Variants in RIMS1 observed in about 807,000 individuals in gnomAD.
RIMS1 encodes the protein regulating synaptic membrane exocytosis 1.
RIMS1 carries 83 observed loss-of-function variants against 214.1 expected under a neutral mutation model. The ratio of observed to expected loss-of-function variants is 0.39; its 90% confidence interval spans 0.32 to 0.47. RIMS1 has a LOEUF of 0.47. Ranked by LOEUF, RIMS1 falls within the 20% of genes least tolerant of loss-of-function variation. RIMS1 has a pLI of 0.99. For synonymous variants in RIMS1, 793 were observed against 786.8 expected (o/e 1.01, Z -0.13); for missense variants, 2,050 against 2,161.8 (o/e 0.95, Z 1.03).
At chr6:72,219,094 A>C (rs913971619) in intron 6 of RIMS1, among the ~76,000 whole-genome samples, 2 of 152,198 alleles carry the variant, frequency 1.3e-5, no homozygotes, top group Non-Finnish European at 2.9e-5. Flanking sequence ...ATGAACAGCA[A>C]ATATATATTC....
At chr6:72,312,800 A>G (rs1021405418) in intron 27 of RIMS1, among the ~76,000 whole-genome samples, 1 of 152,206 alleles carries the variant, frequency 6.6e-6, no homozygotes, top group Non-Finnish European at 1.5e-5. Context: ...TAGAGACACT[A>G]TAATGTCTTA....
chr6:71,921,787 AC>A (rs941772966), intron 1 of RIMS1, among the ~76,000 whole-genome samples: 1 of 152,092 alleles, frequency 6.6e-6, no homozygotes, highest in Non-Finnish European at 1.5e-5. Flanking sequence ...CCATAAAGAA[AC>A]CTATTTTTGT....
chr6:72,200,567 C>T (rs1287978285), intron 6 of RIMS1, among the ~76,000 whole-genome samples: 2 of 152,168 alleles, frequency 1.3e-5, no homozygotes, highest in East Asian at 1.9e-4. Flanking sequence ...AGCACTAATG[C>T]TCAACAGTTT....
intron 26 of RIMS1, among the ~76,000 whole-genome samples, chr6:72,300,184 A>G (rs1273500556): frequency 1.3e-5 from 2 of 151,796 alleles, no homozygotes; most frequent in Admixed American, 6.6e-5. Flanking sequence ...TTCAGAAGTA[A>G]TGCTTTTGAC....
At chr6:72,049,716 A>T (rs76170433) in intron 2 of RIMS1, among the ~76,000 whole-genome samples, 1,727 of 152,346 alleles carry the variant, frequency 0.011, 9 homozygotes, top group Non-Finnish European at 0.017. Context: ...AAAAATATTA[A>T]GGATAATGTT....
chr6:71,945,154 C>T (rs13437473), intron 1 of RIMS1, among the ~76,000 whole-genome samples: 18,848 of 152,042 alleles, frequency 0.12, 1,481 homozygotes, highest in East Asian at 0.3. Context: ...GCAGCACTTA[C>T]GACAAGCAGC....
chr6:72,307,413 T>A lies in RIMS1; in HGVS notation c.3963+43T>A, dbSNP rs1292467347. The A allele has an allele frequency of 2.5e-6, 3 of 1,202,690 alleles. No homozygotes were observed. The African/African-American group carries it at 4.5e-5, about 18-fold the overall frequency. 74.5% of individuals were successfully genotyped at this position (1,202,690 alleles called of 1,614,324 possible). ...CAACAAATAGTTTCCCTTTTAAAAA[T>A]GTGTAGTGTGTGTACCAGGCAGGAT... On this transcript the variant is annotated intron_variant, in intron 27 of 33. Coordinates refer to ENST00000521978, the MANE Select transcript of RIMS1 (RefSeq NM_014989.7).
chr6:72,393,184 A>G (rs1025752494), intron 31 of RIMS1, among the ~76,000 whole-genome samples: 5 of 152,142 alleles, frequency 3.3e-5, no homozygotes, highest in African/African-American at 1.2e-4. Context: ...ACAACTTACC[A>G]AAAAAGTTAG....
chr6:72,260,392 G>T (rs563399738), intron 18 of RIMS1, among the ~76,000 whole-genome samples: 2 of 152,052 alleles, frequency 1.3e-5, no homozygotes, highest in African/African-American at 4.8e-5. Context: ...ATACTCAGTT[G>T]TCTATAATTG....
intron 2 of RIMS1, among the ~76,000 whole-genome samples, chr6:72,038,101 AAAAAAAAAAAAAAAAAAATAT>A (rs1261874978): frequency 7.1e-5 from 5 of 70,676 alleles, no homozygotes; most frequent in African/African-American, 2.6e-4. Flanking sequence ...AAAAAAAAAA[AAAAAAAAAAAAAAAAAAATAT>A]ATATATATAT....
chr6:72,167,449 G>A (rs1393343953), intron 4 of RIMS1, among the ~76,000 whole-genome samples: 1 of 152,062 alleles, frequency 6.6e-6, no homozygotes, highest in Non-Finnish European at 1.5e-5. Flanking sequence ...CTGATAAAGT[G>A]AGTTCAGAAG....
chr6:71,946,208 G>T (rs1787766123), intron 1 of RIMS1, among the ~76,000 whole-genome samples: 1 of 152,116 alleles, frequency 6.6e-6, no homozygotes, highest in Non-Finnish European at 1.5e-5. Flanking sequence ...TCATGGGTTG[G>T]AATGATTTAC....
At chr6:71,948,161 T>C (rs1053322358) in intron 1 of RIMS1, among the ~76,000 whole-genome samples, 5 of 152,176 alleles carry the variant, frequency 3.3e-5, no homozygotes, top group African/African-American at 1.2e-4. Context: ...AATATTCATT[T>C]AGTTCATTTC....
intron 6 of RIMS1, among the ~76,000 whole-genome samples, chr6:72,191,409 C>T (rs540589298): frequency 6.6e-6 from 1 of 152,344 alleles, no homozygotes; most frequent in African/African-American, 2.4e-5. Flanking sequence ...ATTTCCTATC[C>T]TCTGGCATAC....
At chr6:72,262,061 A>G in intron 19 of RIMS1, 1 of 984,946 alleles carries the variant, frequency 1.0e-6, no homozygotes, top group Non-Finnish European at 1.2e-6. Flanking sequence ...AAACATGCAC[A>G]CAAAACAAAC....
At chr6:72,218,662 T>A (rs1469272033) in intron 6 of RIMS1, among the ~76,000 whole-genome samples, 1 of 152,204 alleles carries the variant, frequency 6.6e-6, no homozygotes, top group African/African-American at 2.4e-5. Flanking sequence ...TTGATGTTTA[T>A]ACTTGCTGTT....
chr6:72,291,095 G>A (rs143534630), intron 25 of RIMS1, among the ~76,000 whole-genome samples: 6 of 152,016 alleles, frequency 3.9e-5, no homozygotes, highest in Admixed American at 2.6e-4. Context: ...AAATTTGGCT[G>A]TGTTATGTCC....
intron 1 of RIMS1, among the ~76,000 whole-genome samples, chr6:71,910,839 T>G (rs141017304): frequency 1.0e-3 from 156 of 152,268 alleles, no homozygotes; most frequent in African/African-American, 3.6e-3. Context: ...TAATTAATTT[T>G]TCACTACCTT....
intron 26 of RIMS1, chr6:72,295,830 T>G (rs1415709012): frequency 6.3e-6 from 1 of 159,460 alleles, no homozygotes; most frequent in African/African-American, 2.4e-5. Context: ...ATGTTATGCA[T>G]TTTAATTATT....
Sources: allele counts gnomAD v4.1 joint callset (sites outside exome capture counted in the v4.1 genomes callset), GRCh38; gene constraint gnomAD v4.1.1; transcripts MANE v1.5; gene names NCBI Gene and HGNC (gene_info 2026-07-23, HGNC 2026-07-21).